NDUFA3: variants seen among roughly 807,000 people sequenced by gnomAD.
NDUFA3 encodes the protein NADH:ubiquinone oxidoreductase subunit A3.
Under a neutral mutation model 11.4 loss-of-function variants are expected in NDUFA3, and 10 were observed. The ratio of observed to expected loss-of-function variants is 0.87; its 90% CI spans 0.54 to 1.48. The LOEUF (loss-of-function observed/expected upper bound fraction) is 1.48. Ranked by LOEUF, NDUFA3 falls within the 40% of genes most tolerant of loss-of-function variation. The pLI is 0.00. For missense variants in NDUFA3, 115 were observed against 110.5 expected (o/e 1.04, Z -0.18); for synonymous variants, 39 against 46.9 (o/e 0.83, Z 0.68).
intron 2 of NDUFA3, among the ~76,000 whole-genome samples, chr19:54,105,264 C>CTTTTTTT (rs796770972): frequency 3.1e-4 from 22 of 71,248 alleles, no homozygotes; most frequent in Admixed American, 6.0e-4. Context: ...GTTTGTAAGG[C>CTTTTTTT]TTTTTTTTTT....
intron 3 of NDUFA3, chr19:54,106,579 C>T (rs2073267126): frequency 4.2e-6 from 2 of 478,420 alleles, no homozygotes; most frequent in Non-Finnish European, 7.3e-6. Flanking sequence ...TTCCCCATCT[C>T]TTTTGACCCT....
In NDUFA3 at chr19:54,107,555, ACAGTTCT is replaced by A; in HGVS notation, c.*654_*660del. 1 of 291,058 alleles carries A rather than the reference ACAGTTCT, an allele frequency of 3.4e-6. No individual in the cohort carries two copies. The allele number at this position is 291,058 out of a possible 1,614,324, so 18.0% of individuals were successfully genotyped here. On this transcript the variant is annotated 3_prime_UTR_variant, in exon 4 of 4. Transcript: ENST00000485876. Reference sequence around the variant, plus strand: ...TGAGCCACTGCACCTGGCCAGCCTCACAGTTCTTGTCTGCCCAGGCCAGTCACCTTCC... The same window carrying A: ...TGAGCCACTGCACCTGGCCAGCCTCATGTCTGCCCAGGCCAGTCACCTTCC...
Position 54,107,302 on chromosome 19 carries a change from G to T in NDUFA3, c.*400G>T. 8.2e-7 allele frequency: 1 copy of T among 1,226,500 alleles called. No individual in the cohort carries two copies. The highest frequency in any genetic ancestry group is 1.1e-6 in the Non-Finnish European group (1 of 878,614). 76.0% of individuals were successfully genotyped at this position (1,226,500 alleles called of 1,614,324 possible). Reference sequence around the variant, plus strand: ...CTCACTCTGTTGCCCAGGCTGGAGTGCAGTGGTGCCATCATAGTTCACTGC... The same window carrying T: ...CTCACTCTGTTGCCCAGGCTGGAGTTCAGTGGTGCCATCATAGTTCACTGC... On this transcript the variant is annotated 3_prime_UTR_variant, in exon 4 of 4. Transcript: ENST00000485876.
rs1303715883 is a variant in NDUFA3, at chr19:54,106,017, TG to T, written c.163+11del. 3.7e-6 allele frequency: 6 copies of T among 1,610,776 alleles called. No individual in the cohort carries two copies. The African/African-American group carries it at 8.0e-5, about 22-fold the overall frequency. Reference sequence around the variant, plus strand: ...CACGCCCTACAACTACCCAGGTGAGTGGGGGCCAGGCAGGGATCCCCGGAAT... The same window carrying T: ...CACGCCCTACAACTACCCAGGTGAGTGGGGCCAGGCAGGGATCCCCGGAAT... On this transcript the variant is annotated splice_region_variant and intron_variant, in intron 3 of 3. Coordinates refer to ENST00000485876, the MANE Select transcript of NDUFA3 (RefSeq NM_004542.4).
intron 2 of NDUFA3, chr19:54,105,568 C>T: frequency 2.2e-6 from 1 of 457,372 alleles, no homozygotes; most frequent in South Asian, 1.8e-5. Flanking sequence ...TGTGCCCGGC[C>T]AAATTTGTAA....
At chr19:54,105,264 C>CCTTTTTTTTTTTTTTTTTTTTTTTTT (rs1316415018) in intron 2 of NDUFA3, among the ~76,000 whole-genome samples, 3 of 71,258 alleles carry the variant, frequency 4.2e-5, no homozygotes, top group Admixed American at 4.0e-4. Flanking sequence ...GTTTGTAAGG[C>CCTTTTTTTTTTTTTTTTTTTTTTTTT]TTTTTTTTTT....
chr19:54,102,912 A>T, intron 1 of NDUFA3, 24 bp downstream of exon 1: 1 of 1,609,158 alleles, frequency 6.2e-7, no homozygotes, highest in Non-Finnish European at 8.5e-7. Context: ...CCGGTGGCGC[A>T]CGGGGCTCGG....
chr19:54,104,736 TG>T (rs200554035), intron 2 of NDUFA3, among the ~76,000 whole-genome samples: 6 of 114,808 alleles, frequency 5.2e-5, no homozygotes, highest in African/African-American at 1.3e-4. Context: ...TGGTTTTTTT[TG>T]TTTGTTTGTT....
rs254260 is a variant in NDUFA3 at position 54,102,901 on chromosome 19, G to T, written c.10+13G>T. 0.029 allele frequency: 47,055 copies of T among 1,609,560 alleles called. 2,943 individuals carry two copies. Among genetic ancestry groups the T allele is most frequent in the East Asian group, 0.29 (12,924 of 44,698 alleles). On this transcript the variant is annotated intron_variant, in intron 1 of 3. Transcript: ENST00000485876. ...AAGATGGCTGCGAGTAAGTGCAGGT[G>T]CCGGTGGCGCACGGGGCTCGGGTAG...
intron 2 of NDUFA3, 133 bp downstream of exon 2, chr19:54,103,321 T>C: frequency 1.1e-6 from 1 of 897,304 alleles, no homozygotes; most frequent in Non-Finnish European, 1.6e-6. Flanking sequence ...CGGCATCCCC[T>C]TATCTATCCC....
chr19:54,107,105 C>G lies in NDUFA3; in HGVS notation c.*203C>G, dbSNP rs587748485. The G allele has an allele frequency of 1.9e-6, 3 of 1,613,726 alleles. No homozygotes were observed. Among genetic ancestry groups the G allele is most frequent in the African/African-American group, 1.3e-5 (1 of 74,802 alleles). On this transcript the variant is annotated 3_prime_UTR_variant, in exon 4 of 4. Transcript: ENST00000485876. ...GTAGGGCAGCAGTTTGTCTGGACCC[C>G]GAGAAACCCAACTGGAATCCAGGGC...
At chr19:54,102,997 C>G in intron 1 of NDUFA3, 109 bp downstream of exon 1, 1 of 1,540,102 alleles carries the variant, frequency 6.5e-7, no homozygotes, top group Non-Finnish European at 8.8e-7. Context: ...GGGGTCCGTG[C>G]TGGAGGGGAA....
In NDUFA3 at chr19:54,106,853, AC is replaced by A; in HGVS notation, c.211del (p.Gln71ArgfsTer11). On this transcript the variant is annotated frameshift_variant, in exon 4 of 4. Coordinates refer to ENST00000485876, the MANE Select transcript of NDUFA3 (RefSeq NM_004542.4). LOFTEE classifies it high-confidence loss of function. ...DDGNMPDVPS[H>X]PQDPQGPSLE... is the part of the protein sequence containing the mutation. ...GGGAACATGCCCGACGTGCCCAGCC[AC>A]CCCCAGGACCCTCAGGGCCCCAGCC... 1 of 1,613,012 alleles carries A rather than the reference AC, an allele frequency of 6.2e-7. No homozygotes were observed. Among genetic ancestry groups the A allele is most frequent in the Admixed American group, 1.7e-5 (1 of 59,842 alleles).
intron 2 of NDUFA3, chr19:54,105,465 C>T (rs1269279675): frequency 6.5e-5 from 16 of 247,578 alleles, no homozygotes; most frequent in Non-Finnish European, 1.0e-4. Context: ...GATGGGGTTT[C>T]ATCATGTTGT....
At chr19:54,106,122 G>A in intron 3 of NDUFA3, 111 bp downstream of exon 3, 1 of 975,876 alleles carries the variant, frequency 1.0e-6, no homozygotes, top group East Asian at 2.5e-5. Context: ...TTCTGCAGTG[G>A]TGCCCGGACC....
rs1381813455 is a variant in NDUFA3 at position 54,107,382 on chromosome 19, G to A, written c.*480G>A. 19 of 609,934 alleles carry A rather than the reference G, an allele frequency of 3.1e-5. No homozygotes were observed. Among genetic ancestry groups the A allele is most frequent in the Non-Finnish European group, 5.0e-5 (18 of 358,074 alleles). 37.8% of individuals were successfully genotyped at this position (609,934 alleles called of 1,614,324 possible). A position where few individuals can be genotyped will look rare whatever the true frequency, so the allele number is the denominator to read the frequency against. On this transcript the variant is annotated 3_prime_UTR_variant, in exon 4 of 4. Transcript: ENST00000485876. ...TCCCACCTCAGCTTCCCAAGTAGCT[G>A]GGACTACAGGCACTTGCCAACCAAG...
chr19:54,106,497 G>C (rs1023046866), intron 3 of NDUFA3: 3 of 413,630 alleles, frequency 7.3e-6, no homozygotes, highest in Admixed American at 4.3e-5. Flanking sequence ...TACCTTTCCA[G>C]ATTTCTGTCT....
At chr19:54,105,690 G>A (rs1278573056) in intron 2 of NDUFA3, 1 of 692,540 alleles carries the variant, frequency 1.4e-6, no homozygotes, top group East Asian at 2.8e-5. Flanking sequence ...GCCTCCTCCA[G>A]GCCCCACGTA....
At position 54,106,776 on chromosome 19, in the gene NDUFA3, G is replaced by A. The variant is rs587711090; in HGVS notation, c.164-35G>A. ...CTCTTCTCTCCAGGGCCCTGGAGAC[G>A]TGCTGGTCTCAGTGGCCCACCTCCT... On this transcript the variant is annotated intron_variant, in intron 3 of 3. Transcript: ENST00000485876. 1.4e-5 allele frequency: 22 copies of A among 1,561,292 alleles called. No homozygotes were observed. The East Asian group carries it at 2.5e-4, about 18-fold the overall frequency.
Sources: allele counts gnomAD v4.1 joint callset (sites outside exome capture counted in the v4.1 genomes callset), GRCh38; gene constraint gnomAD v4.1.1; transcripts MANE v1.5; gene names NCBI Gene and HGNC (gene_info 2026-07-23, HGNC 2026-07-21).